The following ZNF519 variants were observed in gnomAD, a reference collection of about 807,000 sequenced individuals.
The protein encoded by ZNF519 is similar to Zinc finger protein 85 (Zinc finger protein HPF4) (HTF1).
ZNF519 carries 7 observed loss-of-function variants against 7.4 expected under a neutral mutation model. The ratio of observed to expected loss-of-function variants is 0.94; its 90% CI spans 0.54 to 1.77. The LOEUF (loss-of-function observed/expected upper bound fraction) is 1.77, where lower values mean the gene tolerates loss of function less well. Ranked by LOEUF, ZNF519 falls within the 40% of genes most tolerant of loss-of-function variation. ZNF519 has a pLI of 0.00. For missense variants in ZNF519, 586 were observed against 623.1 expected (o/e 0.94, Z 0.63); for synonymous variants, 179 against 203.3 (o/e 0.88, Z 1.02).
At chr18:14,130,767 GTCTA>G (rs1432544170) in intron 1 of ZNF519, among the ~76,000 whole-genome samples, 5 of 151,474 alleles carry the variant, frequency 3.3e-5, no homozygotes, top group African/African-American at 4.9e-5. Flanking sequence ...GACAGGAATA[GTCTA>G]TCTTTTTCTC....
chr18:14,079,604 C>T (rs117181812), intron 3 of ZNF519, among the ~76,000 whole-genome samples: 4 of 152,262 alleles, frequency 2.6e-5, no homozygotes, highest in Admixed American at 2.0e-4. Context: ...AATAGGCCAA[C>T]ATAAATATAG....
chr18:14,097,928 A>G (rs1228458778), downstream of ZNF519, among the ~76,000 whole-genome samples: 1 of 152,196 alleles, frequency 6.6e-6, no homozygotes, highest in Non-Finnish European at 1.5e-5. Flanking sequence ...GGTGAGTAAC[A>G]AACACAATGA....
At chr18:14,115,395 A>G (rs1459840510) in intron 2 of ZNF519, among the ~76,000 whole-genome samples, 1 of 152,224 alleles carries the variant, frequency 6.6e-6, no homozygotes, top group African/African-American at 2.4e-5. Context: ...TCAATATAAG[A>G]AGCAATCCTA....
intron 2 of ZNF519, among the ~76,000 whole-genome samples, chr18:14,122,903 A>T (rs921033459): frequency 1.3e-5 from 2 of 149,836 alleles, no homozygotes; most frequent in Non-Finnish European, 3.0e-5. Flanking sequence ...TACATTAGGT[A>T]TATCTCCTAA....
At chr18:14,097,080 AAGTTTATACATAGTGTGTGCTCCTGG>A (rs1274844778), downstream of ZNF519, among the ~76,000 whole-genome samples, 2 of 152,180 alleles carry the variant, frequency 1.3e-5, no homozygotes, top group Non-Finnish European at 2.9e-5. Context: ...TTATGCACTC[AAGTTTATACATAGTGTGTGCTCCTGG>A]AGTCTCCAAA....
At chr18:14,126,269 A>AT (rs929683024) in intron 1 of ZNF519, among the ~76,000 whole-genome samples, 3 of 152,160 alleles carry the variant, frequency 2.0e-5, no homozygotes, top group Non-Finnish European at 4.4e-5. Flanking sequence ...GAGAAATCTG[A>AT]TTTTCAGAGT....
intron 3 of ZNF519, among the ~76,000 whole-genome samples, chr18:14,084,658 C>T (rs1400172717): frequency 5.3e-5 from 8 of 152,096 alleles, no homozygotes; most frequent in African/African-American, 1.9e-4. Context: ...GAGCCTTAGC[C>T]CCCAAACTGC....
In ZNF519 at chr18:14,104,566, A is replaced by C; in HGVS notation, c.*351T>G. On this transcript the variant is annotated 3_prime_UTR_variant, in exon 3 of 3. Transcript: ENST00000590202. Reference sequence around the variant, plus strand: ...AAAAGGTTAATTTGAATTTAATTACATCAATAATACTTTCTCAATCATGAA... The same window carrying C: ...AAAAGGTTAATTTGAATTTAATTACCTCAATAATACTTTCTCAATCATGAA... 5.5e-6 allele frequency: 1 copy of C among 183,048 alleles called. No homozygotes were observed. Among genetic ancestry groups the C allele is most frequent in the Non-Finnish European group, 1.1e-5 (1 of 89,404 alleles). The allele number at this position is 183,048 out of a possible 1,614,324, so 11.3% of individuals were successfully genotyped here.
At chr18:14,118,259 C>G (rs1473168162) in intron 2 of ZNF519, among the ~76,000 whole-genome samples, 1 of 151,998 alleles carries the variant, frequency 6.6e-6, no homozygotes, top group East Asian at 1.9e-4. Flanking sequence ...GGGGTTTCAC[C>G]ATGTTAGCCA....
At chr18:14,127,334 G>C (rs534847684) in intron 1 of ZNF519, among the ~76,000 whole-genome samples, 44 of 152,172 alleles carry the variant, frequency 2.9e-4, no homozygotes, top group Non-Finnish European at 4.4e-5. Context: ...TGAGTTTTCT[G>C]TATGTCTTCA....
chr18:14,108,820 G>A (rs1485870877), intron 2 of ZNF519, among the ~76,000 whole-genome samples: 1 of 152,204 alleles, frequency 6.6e-6, no homozygotes, highest in Admixed American at 6.5e-5. Context: ...GCTGGGCACA[G>A]TGGCTCATGC....
rs767768696 is a variant in ZNF519, at chr18:14,124,504, G to A, written c.4-28C>T. The A allele has an allele frequency of 3.6e-5, 57 of 1,599,820 alleles. No homozygotes were observed. In the Middle Eastern group the frequency reaches 6.7e-4, roughly 19 times the overall value. ...GGAAACACATATATCAAGTGACAGAGCTCTTAATTTGACTAGAGATGAAAT... is the reference window on the plus strand; with the variant it reads ...GGAAACACATATATCAAGTGACAGAACTCTTAATTTGACTAGAGATGAAAT... On this transcript the variant is annotated intron_variant, in intron 1 of 2. Coordinates refer to ENST00000590202, the MANE Select transcript of ZNF519 (RefSeq NM_145287.4).
Position 14,101,499 on chromosome 18 carries a change from T to C in ZNF519, c.*3418A>G, listed in dbSNP as rs1598513962. ...ACACCTGAACAGTGCTGGGGTGAAA[T>C]GGTGGGGCTGAAGGAAGGAAACAGA... On this transcript the variant is annotated 3_prime_UTR_variant, in exon 3 of 3. Coordinates refer to ENST00000590202, the MANE Select transcript of ZNF519 (RefSeq NM_145287.4). 5.0e-6 allele frequency: 2 copies of C among 396,078 alleles called. No homozygotes were observed. Among genetic ancestry groups the C allele is most frequent in the Admixed American group, 4.4e-5 (1 of 22,684 alleles). 24.5% of individuals were successfully genotyped at this position (396,078 alleles called of 1,614,324 possible). A position where few individuals can be genotyped will look rare whatever the true frequency, so the allele number is the denominator to read the frequency against.
At chr18:14,106,658 G>C (rs552386104) in intron 2 of ZNF519, among the ~76,000 whole-genome samples, 2 of 152,056 alleles carry the variant, frequency 1.3e-5, no homozygotes, top group African/African-American at 4.8e-5. Flanking sequence ...ATAAAGGTGA[G>C]CACTCACAGT....
In ZNF519 at chr18:14,105,932, T is replaced by C. The variant is rs747408870; in HGVS notation, c.608A>G (p.His203Arg). Residue 203 changes from histidine (H) to arginine (R), a missense_variant, in exon 3 of 3, where the codon CAT (histidine) becomes CGT (arginine). His to Arg is a conservative substitution (Grantham distance 29, BLOSUM62 0). Transcript: ENST00000590202. ...AGAGTTGTAAGGCTTTTTTTGAATA[T>C]GGATATTTTCAGGGAAAATAAGCTT... is the stretch of plus-strand genomic sequence containing the variant. ...SSKLIFPENI[H>R]IQKKPYNSNE... 3 of 1,609,218 alleles carry C rather than the reference T, an allele frequency of 1.9e-6. No homozygotes were observed. The highest frequency in any genetic ancestry group is 1.3e-5 in the African/African-American group (1 of 74,668).
At chr18:14,072,134 A>G (rs570205277), downstream of ZNF519, 1 of 152,298 alleles carries the variant, frequency 6.6e-6, no homozygotes, top group East Asian at 1.9e-4. Context: ...GTGGTTTGCA[A>G]TAATTCTCTC....
At chr18:14,099,485 C>G (rs2046150665), downstream of ZNF519, among the ~76,000 whole-genome samples, 1 of 152,102 alleles carries the variant, frequency 6.6e-6, no homozygotes, top group African/African-American at 2.4e-5. Context: ...CTAACATCTC[C>G]TCAGAAATCA....
At chr18:14,096,035 G>T (rs1233000260), downstream of ZNF519, among the ~76,000 whole-genome samples, 1 of 152,340 alleles carries the variant, frequency 6.6e-6, no homozygotes, top group East Asian at 1.9e-4. Context: ...TGGGGCTGAA[G>T]GTTTCTGCCT....
At chr18:14,090,363 TTGATGGAAGAA>T (rs1567940828) in intron 2 of ZNF519, 1 of 152,168 alleles carries the variant, frequency 6.6e-6, no homozygotes, top group Non-Finnish European at 1.5e-5. Context: ...CATCTCAAGA[TTGATGGAAGAA>T]TCAGTTTTCT....
Sources: gnomAD v4.1 joint callset for allele counts (sites outside exome capture counted in the v4.1 genomes callset) on GRCh38, gnomAD v4.1.1 for gene constraint, MANE v1.5 for transcripts, NCBI Gene and HGNC (gene_info 2026-07-23, HGNC 2026-07-21) for gene names.